SMYD3: variants seen among roughly 807,000 people sequenced by gnomAD.
SMYD3 encodes the protein histone-lysine N-methyltransferase SMYD3.
In SMYD3, 36 loss-of-function variants were observed where a neutral mutation model predicts 57.7. The observed-to-expected ratio is 0.62, with a 90% CI of 0.48 to 0.82. The LOEUF (loss-of-function observed/expected upper bound fraction) is 0.82. SMYD3 is among the 40% of genes least tolerant of loss of function. SMYD3 has a pLI of 0.00. For missense variants in SMYD3, 515 were observed against 538.8 expected (o/e 0.96, Z 0.44); for synonymous variants, 211 against 195.0 (o/e 1.08, Z -0.68).
chr1:246,406,699 G>A (rs562544771), intron 1 of SMYD3, among the ~76,000 whole-genome samples: 2 of 152,236 alleles, frequency 1.3e-5, no homozygotes, highest in East Asian at 1.9e-4. Flanking sequence ...GTGAAAAAAC[G>A]GAGACACTTA....
chr1:246,171,828 T>A (rs6674394), intron 5 of SMYD3, among the ~76,000 whole-genome samples: 1 of 152,090 alleles, frequency 6.6e-6, no homozygotes, highest in African/African-American at 2.4e-5. Context: ...CTGGGCAACA[T>A]AGCAAGACCT....
At chr1:246,147,721 G>A (rs1456889160) in intron 5 of SMYD3, among the ~76,000 whole-genome samples, 1 of 151,616 alleles carries the variant, frequency 6.6e-6, no homozygotes, top group Non-Finnish European at 1.5e-5. Context: ...GAGCAGACAG[G>A]ATCTGCCCTC....
At chr1:245,912,979 A>C (rs980305166) in intron 8 of SMYD3, among the ~76,000 whole-genome samples, 15 of 152,366 alleles carry the variant, frequency 9.8e-5, no homozygotes, top group Middle Eastern at 3.4e-3. Flanking sequence ...CTAGAACTAG[A>C]AATACCATTT....
intron 5 of SMYD3, among the ~76,000 whole-genome samples, chr1:246,296,785 A>G (rs1022042599): frequency 2.6e-5 from 4 of 152,216 alleles, no homozygotes; most frequent in African/African-American, 9.6e-5. Context: ...ACAATATGAT[A>G]TTCCTATTTA....
intron 1 of SMYD3, among the ~76,000 whole-genome samples, chr1:246,370,127 T>C (rs2066170318): frequency 6.6e-6 from 1 of 152,158 alleles, no homozygotes; most frequent in Non-Finnish European, 1.5e-5. Context: ...GTGGAGCCTG[T>C]GCCATCTGAT....
chr1:246,130,131 A>T (rs898565861), intron 5 of SMYD3, among the ~76,000 whole-genome samples: 1 of 152,190 alleles, frequency 6.6e-6, no homozygotes, highest in African/African-American at 2.4e-5. Flanking sequence ...AGAAAAACTT[A>T]TATGTTCAAT....
intron 5 of SMYD3, among the ~76,000 whole-genome samples, chr1:246,292,757 G>A (rs1326432159): frequency 2.0e-5 from 3 of 152,196 alleles, no homozygotes; most frequent in East Asian, 1.9e-4. Context: ...AGCATTTGGG[G>A]GCAAAAGAGT....
rs985201694 is a variant in SMYD3 at position 246,459,353 on chromosome 1, T to G, written c.164+47701A>C. Among the ~76,000 whole-genome samples, 12 of 151,846 alleles carry G rather than the reference T, an allele frequency of 7.9e-5. No individual in the cohort carries two copies. In the East Asian group the frequency reaches 1.9e-3, roughly 24 times the overall value. ...TCTCGCGAGATCTTATTTAAAAGTG[T>G]GTAGCACGTCCCCATTCACTCTCTC... On this transcript the variant is annotated intron_variant, in intron 1 of 11. Transcript: ENST00000490107.
At chr1:246,371,136 G>A (rs548031255) in intron 1 of SMYD3, among the ~76,000 whole-genome samples, 9 of 152,244 alleles carry the variant, frequency 5.9e-5, no homozygotes, top group South Asian at 4.1e-4. Flanking sequence ...AAATTAAAAC[G>A]CCAGGGTCCT....
At chr1:245,882,208 G>T (rs1015799814) in intron 8 of SMYD3, among the ~76,000 whole-genome samples, 1 of 152,152 alleles carries the variant, frequency 6.6e-6, no homozygotes, top group Non-Finnish European at 1.5e-5. Context: ...GGGGAGAGAG[G>T]CAAGAAGTGA....
chr1:245,765,388 CAA>C (rs534339227), intron 10 of SMYD3, among the ~76,000 whole-genome samples: 8 of 135,472 alleles, frequency 5.9e-5, no homozygotes, highest in Non-Finnish European at 1.1e-4. Flanking sequence ...GACCCTGTTT[CAA>C]AAAAAAAAAA....
chr1:246,061,164 A>G (rs1455662880), intron 5 of SMYD3, among the ~76,000 whole-genome samples: 2 of 152,154 alleles, frequency 1.3e-5, no homozygotes, highest in South Asian at 2.1e-4. Flanking sequence ...CGGAGCTTGC[A>G]GTGAGTCGAG....
chr1:246,218,210 T>C (rs1407228703), intron 5 of SMYD3, among the ~76,000 whole-genome samples: 1 of 149,648 alleles, frequency 6.7e-6, no homozygotes. Flanking sequence ...CTGATTTCAA[T>C]ACATACAAGA....
At chr1:245,956,120 G>C in intron 5 of SMYD3, 3 of 951,132 alleles carry the variant, frequency 3.2e-6, no homozygotes, top group Non-Finnish European at 3.8e-6. Flanking sequence ...GTCTCATTTT[G>C]TTGCCCAGGC....
At chr1:246,205,931 T>A (rs992905161) in intron 5 of SMYD3, among the ~76,000 whole-genome samples, 3 of 152,146 alleles carry the variant, frequency 2.0e-5, no homozygotes, top group African/African-American at 7.2e-5. Context: ...AAAGTGGGGA[T>A]CACAATATTA....
chr1:245,932,685 G>C (rs2056790858), intron 5 of SMYD3, among the ~76,000 whole-genome samples: 1 of 152,084 alleles, frequency 6.6e-6, no homozygotes, highest in Non-Finnish European at 1.5e-5. Context: ...GAGCCTCCGG[G>C]GTAACTGGGA....
chr1:245,860,958 T>C (rs1446290676), intron 9 of SMYD3, among the ~76,000 whole-genome samples: 1 of 152,260 alleles, frequency 6.6e-6, no homozygotes, highest in Non-Finnish European at 1.5e-5. Flanking sequence ...TTCCCACTTA[T>C]TCTAAAGAGG....
At chr1:246,504,731 T>C (rs2103081069) in intron 1 of SMYD3, among the ~76,000 whole-genome samples, 1 of 152,318 alleles carries the variant, frequency 6.6e-6, no homozygotes, top group South Asian at 2.1e-4. Flanking sequence ...CTGCCAGACA[T>C]TCATACTAAA....
chr1:245,817,569 G>A (rs1417214667), intron 10 of SMYD3, among the ~76,000 whole-genome samples: 1 of 152,074 alleles, frequency 6.6e-6, no homozygotes, highest in Non-Finnish European at 1.5e-5. Context: ...TGACCTGAGA[G>A]AAGAAGGCTT....
Sources: gnomAD v4.1 joint callset for allele counts (sites outside exome capture counted in the v4.1 genomes callset) on GRCh38, gnomAD v4.1.1 for gene constraint, MANE v1.5 for transcripts, NCBI Gene and HGNC (gene_info 2026-07-23, HGNC 2026-07-21) for gene names.